Variants in LRRN2 observed in about 807,000 individuals in gnomAD.
LRRN2 encodes the protein leucine-rich repeat neuronal protein 2.
Under a neutral mutation model 35.7 loss-of-function variants are expected in LRRN2, and 10 were observed. The observed-to-expected ratio is 0.28, with a 90% CI of 0.17 to 0.47. The LOEUF is 0.47. Among genes scored for constraint, LRRN2 ranks in the 20% least tolerant of loss-of-function variants. The probability of loss-of-function intolerance (pLI) is 0.99; values close to 1 mark genes in which losing one functional copy is unlikely to be tolerated. For synonymous variants in LRRN2, 391 were observed against 409.6 expected, an observed-to-expected ratio of 0.95 and a Z score of 0.55; for missense variants, 731 against 940.3, an observed-to-expected ratio of 0.78 and a Z score of 2.91.
intron 1 of LRRN2, among the ~76,000 whole-genome samples, chr1:204,655,138 G>T (rs966965842): frequency 9.8e-5 from 15 of 152,348 alleles, no homozygotes; most frequent in African/African-American, 3.6e-4. Context: ...TGGGACACAG[G>T]TGGCTGGACC....
At chr1:204,657,771 ATCT>A (rs1571669708) in intron 1 of LRRN2, among the ~76,000 whole-genome samples, 1 of 152,220 alleles carries the variant, frequency 6.6e-6, no homozygotes, top group East Asian at 1.9e-4. Context: ...AGGCCCCATG[ATCT>A]TCTTTTGTGG....
At chr1:204,623,777 A>C (rs540658871) in intron 1 of LRRN2, among the ~76,000 whole-genome samples, 1 of 152,246 alleles carries the variant, frequency 6.6e-6, no homozygotes, top group African/African-American at 2.4e-5. Context: ...GGCAGGGGCC[A>C]TATCTTACAT....
intron 1 of LRRN2, among the ~76,000 whole-genome samples, chr1:204,683,781 T>G (rs2102248423): frequency 6.6e-6 from 1 of 152,154 alleles, no homozygotes; most frequent in Non-Finnish European, 1.5e-5. Context: ...GAAGCCTGAG[T>G]CAGCACAGGG....
chr1:204,652,274 C>CCCCCGCCG (rs1242528012), intron 1 of LRRN2, among the ~76,000 whole-genome samples: 13 of 137,450 alleles, frequency 9.5e-5, no homozygotes, highest in African/African-American at 2.7e-4. Flanking sequence ...CCCCCCCGCC[C>CCCCCGCCG]CCCCGCCGCC....
chr1:204,618,507 T>C lies in LRRN2; in HGVS notation c.1486A>G (p.Thr496Ala), dbSNP rs764845032. The part of the protein sequence containing the change: ...RVTAEEAGLY[T>A]CVAQNLVGAD... ...CCCACCAGGTTCTGGGCCACACAGG[T>C]GTATAGCCCTGCCTCTTCTGCTGTC... The change falls in exon 2 of 2, where the codon ACC (threonine) becomes GCC (alanine). Residue 496 changes from threonine (T) to alanine (A), a missense_variant. Coordinates refer to ENST00000367177, the MANE Select transcript of LRRN2 (RefSeq NM_201630.2). 1 of 1,613,994 alleles carries C rather than the reference T, an allele frequency of 6.2e-7. No individual in the cohort carries two copies. Among genetic ancestry groups the C allele is most frequent in the Non-Finnish European group, 8.5e-7 (1 of 1,180,018 alleles).
At chr1:204,634,415 A>C (rs1233567679) in intron 1 of LRRN2, among the ~76,000 whole-genome samples, 1 of 152,200 alleles carries the variant, frequency 6.6e-6, no homozygotes, top group East Asian at 1.9e-4. Flanking sequence ...CCTCAAAAAG[A>C]TATAGTGAAG....
rs60082004 is a variant in LRRN2 at position 204,654,396 on chromosome 1, G to T, written c.-227+30924C>A. Among the ~76,000 whole-genome samples, 16 of 152,324 alleles carry T rather than the reference G, an allele frequency of 1.1e-4. No homozygotes were observed. The East Asian group carries it at 2.9e-3, about 28-fold the overall frequency. On this transcript the variant is annotated intron_variant, in intron 1 of 1. Coordinates refer to ENST00000367177, the MANE Select transcript of LRRN2 (RefSeq NM_201630.2). ...AAGGCTTGGGTTTGTCCCAACGGTG[G>T]CCTATTTATTAGCTGTGTGACTATT... is the stretch of plus-strand genomic sequence containing the variant.
At chr1:204,631,072 C>G (rs1231286452) in intron 1 of LRRN2, among the ~76,000 whole-genome samples, 2 of 150,270 alleles carry the variant, frequency 1.3e-5, no homozygotes, top group African/African-American at 4.9e-5. Flanking sequence ...CTTGGCCCAC[C>G]CAAGACCTCC....
intron 1 of LRRN2, among the ~76,000 whole-genome samples, chr1:204,646,031 T>C (rs911255620): frequency 1.6e-4 from 24 of 152,146 alleles, no homozygotes; most frequent in African/African-American, 5.6e-4. Flanking sequence ...TTTAGAGACC[T>C]GTCATCCCAC....
rs143831933 is a variant in LRRN2, at chr1:204,671,801, G to A, written c.-227+13519C>T. 5.3e-3 allele frequency among the ~76,000 whole-genome samples: 812 copies of A among 152,242 alleles called. 2 individuals are homozygous for A. Among genetic ancestry groups the A allele is most frequent in the Middle Eastern group, 0.014 (4 of 294 alleles). ...GGGAGTCCTTGGACAAGCAAGCTGGGAAACTAAAAGGTGTAGAAGGTGATG... is the reference window on the plus strand; with the variant it reads ...GGGAGTCCTTGGACAAGCAAGCTGGAAAACTAAAAGGTGTAGAAGGTGATG... On this transcript the variant is annotated intron_variant, in intron 1 of 1. Transcript: ENST00000367177.
At chr1:204,663,078 C>T (rs1668504053) in intron 1 of LRRN2, among the ~76,000 whole-genome samples, 1 of 152,056 alleles carries the variant, frequency 6.6e-6, no homozygotes, top group South Asian at 2.1e-4. Flanking sequence ...TATAATCTGC[C>T]CTCTGTCTGC....
chr1:204,653,803 A>G (rs1272103376), intron 1 of LRRN2, among the ~76,000 whole-genome samples: 1 of 150,490 alleles, frequency 6.6e-6, no homozygotes, highest in African/African-American at 2.4e-5. Context: ...TCAAGGCTAC[A>G]GTGAGTTAGG....
At chr1:204,636,129 T>C (rs1010705848) in intron 1 of LRRN2, among the ~76,000 whole-genome samples, 9 of 152,176 alleles carry the variant, frequency 5.9e-5, no homozygotes, top group Non-Finnish European at 7.4e-5. Flanking sequence ...ACGAGCATCG[T>C]CATCTCCTCC....
intron 1 of LRRN2, among the ~76,000 whole-genome samples, chr1:204,632,839 C>T (rs1051167999): frequency 1.3e-5 from 2 of 151,042 alleles, no homozygotes; most frequent in Non-Finnish European, 2.9e-5. Context: ...GAGGCTGAGG[C>T]AGGAGAATGG....
At chr1:204,649,405 C>T (rs4951090) in intron 1 of LRRN2, among the ~76,000 whole-genome samples, 64,677 of 151,910 alleles carry the variant, frequency 0.43, 15,387 homozygotes, top group Admixed American at 0.52. Context: ...AGTGTGTGAA[C>T]GAATGGATGT....
chr1:204,620,192 C>T lies in LRRN2; in HGVS notation c.-200G>A. ...TCCTCTGGGGCTGGGCCTGCTCAGT[C>T]ATTGCCAGGCCCCATCAGGGGCAGC... On this transcript the variant is annotated 5_prime_UTR_variant, in exon 2 of 2. An upstream start codon of the reference 5' UTR is lost. Coordinates refer to ENST00000367177, the MANE Select transcript of LRRN2 (RefSeq NM_201630.2). 2.8e-6 allele frequency: 4 copies of T among 1,443,910 alleles called. No homozygotes were observed. The highest frequency in any genetic ancestry group is 3.6e-6 in the Non-Finnish European group (4 of 1,097,176). The allele number at this position is 1,443,910 out of a possible 1,614,324, so 89.4% of individuals were successfully genotyped here. A position where few individuals can be genotyped will look rare whatever the true frequency, so the allele number is the denominator to read the frequency against.
rs139115637 is a variant in LRRN2, at chr1:204,625,031, C to T, written c.-226-4813G>A. Among the ~76,000 whole-genome samples the T allele has an allele frequency of 2.6e-3, 399 of 152,354 alleles. 1 individual carries two copies. Among genetic ancestry groups the T allele is most frequent in the African/African-American group, 9.1e-3 (378 of 41,580 alleles). On this transcript the variant is annotated intron_variant, in intron 1 of 1. Coordinates refer to ENST00000367177, the MANE Select transcript of LRRN2 (RefSeq NM_201630.2). ...AGGTAAGCCTGGCCCCTCACTTCCA[C>T]CTCCCATTTAATCACACACAACCAG...
At chr1:204,680,081 A>G (rs1668914857) in intron 1 of LRRN2, among the ~76,000 whole-genome samples, 2 of 152,210 alleles carry the variant, frequency 1.3e-5, no homozygotes, top group African/African-American at 4.8e-5. Flanking sequence ...CTAAAGTCAG[A>G]GAGAAGGGCT....
chr1:204,678,113 A>G (rs929409978), intron 1 of LRRN2, among the ~76,000 whole-genome samples: 3 of 152,210 alleles, frequency 2.0e-5, no homozygotes, highest in Admixed American at 6.5e-5. Context: ...ACTCCCACAC[A>G]GAGCTCACAG....
Sources: allele counts gnomAD v4.1 joint callset (sites outside exome capture counted in the v4.1 genomes callset), GRCh38; gene constraint gnomAD v4.1.1; transcripts MANE v1.5; gene names NCBI Gene and HGNC (gene_info 2026-07-23, HGNC 2026-07-21).